The following CSMD2 variants were observed in gnomAD, a reference collection of about 807,000 sequenced individuals.
The protein encoded by CSMD2 is CUB and Sushi multiple domains 2.
A neutral mutation model predicts 398.5 loss-of-function variants in CSMD2; 130 were observed. That is an observed-to-expected ratio of 0.33 (90% CI 0.28 to 0.38). The LOEUF is 0.38. Among genes scored for constraint, CSMD2 ranks in the 10% least tolerant of loss-of-function variants. The probability of loss-of-function intolerance (pLI) is 1.00; values close to 1 mark genes in which losing one functional copy is unlikely to be tolerated. For missense variants in CSMD2, 3,829 were observed against 4,764.9 expected (o/e 0.80, Z 5.78); for synonymous variants, 1,828 against 1,908.5 (o/e 0.96, Z 1.10).
intron 13 of CSMD2, among the ~76,000 whole-genome samples, chr1:33,749,298 G>A (rs1396778458): frequency 6.6e-6 from 1 of 151,390 alleles, no homozygotes; most frequent in Non-Finnish European, 1.5e-5. Flanking sequence ...ACAGGGTTTC[G>A]CCGTGTTAGC....
chr1:33,657,200 C>T (rs1643972614), intron 27 of CSMD2, among the ~76,000 whole-genome samples: 1 of 152,118 alleles, frequency 6.6e-6, no homozygotes, highest in East Asian at 1.9e-4. Context: ...TCTAAAGAAA[C>T]AAAACCTGTA....
intron 62 of CSMD2, among the ~76,000 whole-genome samples, chr1:33,535,160 T>C (rs1655647781): frequency 6.6e-6 from 1 of 152,202 alleles, no homozygotes; most frequent in South Asian, 2.1e-4. Context: ...ATACACAAAA[T>C]AATATATGGA....
At chr1:34,134,651 C>T (rs2994601) in intron 1 of CSMD2, among the ~76,000 whole-genome samples, 108,475 of 152,040 alleles carry the variant, frequency 0.71, 39,930 homozygotes, top group Non-Finnish European at 0.81. Flanking sequence ...CAGGTCCAAA[C>T]TGCAAAAAAG....
At chr1:33,947,914 G>C (rs1044998791) in intron 3 of CSMD2, among the ~76,000 whole-genome samples, 1 of 152,216 alleles carries the variant, frequency 6.6e-6, no homozygotes, top group African/African-American at 2.4e-5. Flanking sequence ...CAGAGAGGGT[G>C]AGTCACTTGC....
chr1:33,751,057 C>G, intron 13 of CSMD2, among the ~76,000 whole-genome samples: 1 of 151,950 alleles, frequency 6.6e-6, no homozygotes, highest in South Asian at 2.1e-4. Flanking sequence ...TGGAATTTGA[C>G]AGAAAGATGT....
chr1:33,725,311 A>G (rs1309874373), intron 17 of CSMD2, 38 bp downstream of exon 17: 1 of 1,594,202 alleles, frequency 6.3e-7, no homozygotes, highest in Non-Finnish European at 8.6e-7. Flanking sequence ...ACCTGGGCTG[A>G]CCTTGTCATC....
intron 1 of CSMD2, among the ~76,000 whole-genome samples, chr1:34,137,284 G>GT (rs1431487211): frequency 3.5e-5 from 4 of 113,566 alleles, no homozygotes; most frequent in African/African-American, 1.3e-4. Flanking sequence ...GCAAGGCCCA[G>GT]TGAGTATAAG....
At position 33,725,925 on chromosome 1, in the gene CSMD2, TA is replaced by T. The variant is rs1409993097; in HGVS notation, c.2508-390del. Among the ~76,000 whole-genome samples, 742 of 140,206 alleles carry T rather than the reference TA, an allele frequency of 5.3e-3. 6 individuals carry two copies. The highest frequency in any genetic ancestry group is 0.012 in the African/African-American group (478 of 38,560). 92.0% of individuals were successfully genotyped at this position (140,206 alleles called of 152,430 possible). A position where few individuals can be genotyped will look rare whatever the true frequency, so the allele number is the denominator to read the frequency against. ...GCTTTTTACATTTGTAAAGAGATCT[TA>T]AAAAAAAAAAAAGGCAAAGCAGAGC... On this transcript the variant is annotated intron_variant, in intron 16 of 70. Coordinates refer to ENST00000373381, the MANE Select transcript of CSMD2 (RefSeq NM_001281956.2).
intron 13 of CSMD2, among the ~76,000 whole-genome samples, chr1:33,764,615 T>A (rs1650250398): frequency 6.6e-6 from 1 of 152,114 alleles, no homozygotes; most frequent in African/African-American, 2.4e-5. Context: ...TCTAGAGAAA[T>A]GAGGGGAATG....
chr1:33,552,168 C>T (rs939789385), intron 55 of CSMD2, among the ~76,000 whole-genome samples: 3 of 152,262 alleles, frequency 2.0e-5, no homozygotes, highest in East Asian at 1.9e-4. Context: ...TAACACGATT[C>T]GTCATTAGAG....
chr1:33,785,740 C>T (rs1463452456), intron 12 of CSMD2, among the ~76,000 whole-genome samples: 1 of 152,204 alleles, frequency 6.6e-6, no homozygotes, highest in Non-Finnish European at 1.5e-5. Context: ...TTGCAAGACA[C>T]TGTGAAAACC....
At chr1:33,883,336 C>T (rs547102392) in intron 5 of CSMD2, among the ~76,000 whole-genome samples, 12 of 152,236 alleles carry the variant, frequency 7.9e-5, no homozygotes, top group Admixed American at 2.6e-4. Flanking sequence ...TAAATATCTC[C>T]GAGCCTCAGA....
intron 1 of CSMD2, among the ~76,000 whole-genome samples, chr1:34,159,684 G>C (rs915525877): frequency 7.9e-5 from 12 of 152,222 alleles, no homozygotes; most frequent in African/African-American, 2.7e-4. Context: ...GCTTCACTGG[G>C]TTGCTGAGAG....
chr1:34,133,130 T>C (rs1030563647), intron 1 of CSMD2, among the ~76,000 whole-genome samples: 8 of 152,190 alleles, frequency 5.3e-5, no homozygotes, highest in Non-Finnish European at 5.9e-5. Flanking sequence ...CCTTGTAAAG[T>C]CTAGCACCTT....
At chr1:33,627,161 C>G (rs965837833) in intron 32 of CSMD2, among the ~76,000 whole-genome samples, 4 of 152,154 alleles carry the variant, frequency 2.6e-5, no homozygotes, top group African/African-American at 9.7e-5. Context: ...AAAGTGCTAT[C>G]AATAGTTATG....
intron 3 of CSMD2, among the ~76,000 whole-genome samples, chr1:33,955,675 T>A (rs1046899118): frequency 3.3e-5 from 5 of 152,238 alleles, no homozygotes; most frequent in African/African-American, 1.2e-4. Context: ...TAAAATGTCA[T>A]GTGTGAAGGG....
At chr1:34,063,064 T>A (rs1268889728) in intron 2 of CSMD2, among the ~76,000 whole-genome samples, 1 of 152,086 alleles carries the variant, frequency 6.6e-6, no homozygotes, top group East Asian at 1.9e-4. Context: ...ACTTATTCAC[T>A]ACCACAAGAA....
intron 1 of CSMD2, among the ~76,000 whole-genome samples, chr1:34,124,332 GACATGCCACAGGC>G (rs1231515266): frequency 1.3e-5 from 2 of 152,152 alleles, no homozygotes; most frequent in African/African-American, 4.8e-5. Context: ...AAATTTGGGG[GACATGCCACAGGC>G]TGGTGGGTGG....
At chr1:33,854,810 G>A (rs2125098188) in intron 5 of CSMD2, among the ~76,000 whole-genome samples, 1 of 152,344 alleles carries the variant, frequency 6.6e-6, no homozygotes, top group African/African-American at 2.4e-5. Flanking sequence ...GCTCTCTGGA[G>A]GACACATGTC....
Sources: gnomAD v4.1 joint callset for allele counts (sites outside exome capture counted in the v4.1 genomes callset) on GRCh38, gnomAD v4.1.1 for gene constraint, MANE v1.5 for transcripts, NCBI Gene and HGNC (gene_info 2026-07-23, HGNC 2026-07-21) for gene names.